OSBPL6: variants seen among roughly 807,000 people sequenced by gnomAD.
OSBPL6 encodes oxysterol binding protein like 6.
OSBPL6 carries 49 observed loss-of-function variants against 125.8 expected under a neutral mutation model. The ratio of observed to expected loss-of-function variants is 0.39; its 90% CI spans 0.31 to 0.49. OSBPL6 has a LOEUF of 0.49. Ranked by LOEUF, OSBPL6 falls within the 20% of genes least tolerant of loss-of-function variation. The pLI, the probability that OSBPL6 is intolerant of heterozygous loss-of-function variation, is 0.88. For synonymous variants in OSBPL6, 394 were observed against 391.8 expected, an observed-to-expected ratio of 1.01 and a Z score of -0.07; for missense variants, 986 against 1,135.4, an observed-to-expected ratio of 0.87 and a Z score of 1.89.
rs1286878336 is a variant in OSBPL6, at chr2:178,223,596, C to T, written c.-351+28922C>T. On this transcript the variant is annotated intron_variant, in intron 1 of 24. Coordinates refer to ENST00000190611, the MANE Select transcript of OSBPL6 (RefSeq NM_032523.4). ...CGTTTCCCAGGCCCTTCAGTTTATT[C>T]TTTGCCTTGGGGTAGAACTGTTTTT... is the stretch of plus-strand genomic sequence containing the variant. Among the ~76,000 whole-genome samples, 3 of 152,150 alleles carry T rather than the reference C, an allele frequency of 2.0e-5. No homozygotes were observed. The South Asian group carries it at 6.2e-4, about 32-fold the overall frequency.
chr2:178,368,201 C>G (rs1033633556), intron 13 of OSBPL6, among the ~76,000 whole-genome samples: 15 of 152,138 alleles, frequency 9.9e-5, no homozygotes, highest in African/African-American at 3.6e-4. Context: ...TACCTGAGAG[C>G]ACTACACCAG....
At chr2:178,360,763 A>G (rs1692281611) in intron 12 of OSBPL6, among the ~76,000 whole-genome samples, 1 of 152,184 alleles carries the variant, frequency 6.6e-6, no homozygotes, top group Admixed American at 6.6e-5. Context: ...CTATCAAGTT[A>G]TTACCTTTAA....
At chr2:178,196,748 G>C (rs916820084) in intron 1 of OSBPL6, among the ~76,000 whole-genome samples, 1 of 152,140 alleles carries the variant, frequency 6.6e-6, no homozygotes, top group Non-Finnish European at 1.5e-5. Flanking sequence ...AGATAATATA[G>C]TTTTGAAAGG....
At chr2:178,298,528 A>T (rs893330985) in intron 2 of OSBPL6, among the ~76,000 whole-genome samples, 1 of 152,156 alleles carries the variant, frequency 6.6e-6, no homozygotes, top group African/African-American at 2.4e-5. Flanking sequence ...GGTTCAAGCA[A>T]TTCTCCTGCC....
intron 1 of OSBPL6, among the ~76,000 whole-genome samples, chr2:178,202,601 C>T (rs1181920884): frequency 2.0e-5 from 3 of 152,012 alleles, no homozygotes; most frequent in African/African-American, 4.8e-5. Context: ...GGTGGCAGAT[C>T]ACTCGAGGTC....
At chr2:178,223,421 T>G (rs2090423558) in intron 1 of OSBPL6, among the ~76,000 whole-genome samples, 1 of 152,208 alleles carries the variant, frequency 6.6e-6, no homozygotes, top group African/African-American at 2.4e-5. Context: ...TTGTAGATAT[T>G]TTCCCCCACT....
intron 18 of OSBPL6, among the ~76,000 whole-genome samples, 154 bp from the exon 19 acceptor site, chr2:178,385,304 T>C (rs1271225930): frequency 6.6e-6 from 1 of 152,184 alleles, no homozygotes; most frequent in African/African-American, 2.4e-5. Flanking sequence ...ATGGGCATTA[T>C]TTCCCCTCTA....
At position 178,331,599 on chromosome 2, in the gene OSBPL6, A is replaced by G. The variant is rs141441880; in HGVS notation, c.366A>G (p.Pro122=). The change falls in exon 6 of 25, where the codon CCA becomes CCG. Residue 122 remains proline (P), a synonymous_variant. Coordinates refer to ENST00000190611, the MANE Select transcript of OSBPL6 (RefSeq NM_032523.4). ...GAATGTTAAAGTATTCAAAGGCACCACTCGATGTAAGTAGCACACAGGACA... is the reference window on the plus strand; with the variant it reads ...GAATGTTAAAGTATTCAAAGGCACCGCTCGATGTAAGTAGCACACAGGACA... ...DNGMLKYSKA[P]LDIQKGKVHG... 3.3e-5 allele frequency: 53 copies of G among 1,613,882 alleles called. No individual in the cohort carries two copies. The highest frequency in any genetic ancestry group is 4.3e-5 in the Non-Finnish European group (51 of 1,179,958).
chr2:178,260,526 C>T (rs1392443038), intron 1 of OSBPL6, among the ~76,000 whole-genome samples: 2 of 152,010 alleles, frequency 1.3e-5, no homozygotes, highest in Non-Finnish European at 2.9e-5. Context: ...TGGGATTGGC[C>T]ATCTCTCTAA....
At chr2:178,358,102 G>T (rs1008416029) in intron 12 of OSBPL6, among the ~76,000 whole-genome samples, 1 of 152,122 alleles carries the variant, frequency 6.6e-6, no homozygotes, top group Non-Finnish European at 1.5e-5. Flanking sequence ...GGCTGGGGGA[G>T]GGATAGCATT....
intron 1 of OSBPL6, among the ~76,000 whole-genome samples, chr2:178,284,504 G>A (rs554444033): frequency 6.6e-6 from 1 of 151,878 alleles, no homozygotes; most frequent in African/African-American, 2.4e-5. Context: ...AGTGAGCCGA[G>A]ATCACACCAT....
intron 4 of OSBPL6, among the ~76,000 whole-genome samples, chr2:178,327,915 T>G (rs931361097): frequency 6.6e-6 from 1 of 152,176 alleles, no homozygotes; most frequent in African/African-American, 2.4e-5. Flanking sequence ...TTTGAAACTT[T>G]AAAGTGCCTC....
chr2:178,246,030 G>A (rs1163411019), intron 1 of OSBPL6, among the ~76,000 whole-genome samples: 3 of 152,048 alleles, frequency 2.0e-5, no homozygotes, highest in African/African-American at 7.2e-5. Context: ...GCCTCCATCT[G>A]GTCCCTGGCC....
At chr2:178,317,437 CATATATATATATATATATATATATAT>C (rs6147046) in intron 3 of OSBPL6, among the ~76,000 whole-genome samples, 25 of 106,944 alleles carry the variant, frequency 2.3e-4, no homozygotes, top group African/African-American at 7.6e-4. Flanking sequence ...ACTTAGACAC[CATATATATATATATATATATATATAT>C]ATATATATAT....
chr2:178,314,742 G>T (rs1479110596), intron 3 of OSBPL6, among the ~76,000 whole-genome samples: 1 of 152,126 alleles, frequency 6.6e-6, no homozygotes, highest in African/African-American at 2.4e-5. Context: ...TCATCACTTT[G>T]TTCAAAGAAC....
intron 1 of OSBPL6, among the ~76,000 whole-genome samples, chr2:178,239,381 C>G (rs1030756605): frequency 2.0e-5 from 3 of 151,992 alleles, no homozygotes; most frequent in Non-Finnish European, 4.4e-5. Context: ...GCAATATAGT[C>G]AGACCTCATC....
chr2:178,381,755 C>A (rs1381567054), intron 15 of OSBPL6, among the ~76,000 whole-genome samples: 1 of 152,228 alleles, frequency 6.6e-6, no homozygotes, highest in African/African-American at 2.4e-5. Flanking sequence ...CTGACTCCAA[C>A]ATCCTGTGCA....
At chr2:178,271,083 C>A (rs568044287) in intron 1 of OSBPL6, among the ~76,000 whole-genome samples, 5 of 152,300 alleles carry the variant, frequency 3.3e-5, no homozygotes, top group African/African-American at 1.2e-4. Context: ...TCAAGGAAAT[C>A]ATAGTCTACC....
chr2:178,276,784 T>TG (rs1165441820), intron 1 of OSBPL6, among the ~76,000 whole-genome samples: 2 of 148,702 alleles, frequency 1.3e-5, no homozygotes, highest in African/African-American at 2.5e-5. Context: ...CTAGAAGAGT[T>TG]TTTTTTTTTT....
Sources: gnomAD v4.1 joint callset for allele counts (sites outside exome capture counted in the v4.1 genomes callset) on GRCh38, gnomAD v4.1.1 for gene constraint, MANE v1.5 for transcripts, NCBI Gene and HGNC (gene_info 2026-07-23, HGNC 2026-07-21) for gene names.